Variants in SLC38A1 observed in about 807,000 individuals in gnomAD.
The protein encoded by SLC38A1 is solute carrier family 38 member 1, also known as sodium-coupled neutral amino acid symporter 1.
A neutral mutation model predicts 60.3 loss-of-function variants in SLC38A1; 18 were observed. The ratio of observed to expected loss-of-function variants is 0.30; its 90% CI spans 0.21 to 0.44. The LOEUF (loss-of-function observed/expected upper bound fraction) is 0.44. SLC38A1 is among the 20% of genes least tolerant of loss of function. The probability of loss-of-function intolerance (pLI) is 1.00; values close to 1 mark genes in which losing one functional copy is unlikely to be tolerated. For synonymous variants in SLC38A1, 196 were observed against 212.1 expected, an observed-to-expected ratio of 0.92 and a Z score of 0.66; for missense variants, 448 against 587.2, an observed-to-expected ratio of 0.76 and a Z score of 2.45.
intron 14 of SLC38A1, 75 bp from the exon 15 acceptor site, chr12:46,198,135 G>C: frequency 6.9e-7 from 1 of 1,456,672 alleles, no homozygotes. Flanking sequence ...CAGAGTAACT[G>C]ATTTATTGGT....
At chr12:46,249,770 C>T (rs1003190305) in intron 1 of SLC38A1, among the ~76,000 whole-genome samples, 14 of 152,172 alleles carry the variant, frequency 9.2e-5, no homozygotes, top group Admixed American at 2.6e-4. Context: ...CACATACACC[C>T]TCTCAACACT....
Position 46,204,481 on chromosome 12 carries a change from A to G in SLC38A1, c.705+51T>C, listed in dbSNP as rs145014345. ...AGTAAAGCCAATGAATAATTATTAC[A>G]TGCCATTGTACTATCACAAAACCAA... On this transcript the variant is annotated intron_variant, in intron 10 of 16. Coordinates refer to ENST00000398637, the MANE Select transcript of SLC38A1 (RefSeq NM_030674.4). 132 of 1,593,798 alleles carry G rather than the reference A, an allele frequency of 8.3e-5. No individual in the cohort carries two copies. In the East Asian group the frequency reaches 2.7e-3, roughly 32 times the overall value.
rs201676832 is a variant in SLC38A1 at position 46,205,971 on chromosome 12, TC to T, written c.646+108del. Reference sequence around the variant, plus strand: ...TACTTGCAATTTATCATGTACTTAATCTTTGAGTGCATGCAGAGGGGAAGCA... The same window carrying T: ...TACTTGCAATTTATCATGTACTTAATTTTGAGTGCATGCAGAGGGGAAGCA... On this transcript the variant is annotated intron_variant, in intron 9 of 16. Coordinates refer to ENST00000398637, the MANE Select transcript of SLC38A1 (RefSeq NM_030674.4). 3.4e-3 allele frequency: 2,071 copies of T among 617,680 alleles called. 41 individuals carry two copies. In the African/African-American group the frequency reaches 0.035, roughly 10 times the overall value. The allele number at this position is 617,680 out of a possible 1,614,324, so 38.3% of individuals were successfully genotyped here. A position where few individuals can be genotyped will look rare whatever the true frequency, so the allele number is the denominator to read the frequency against.
intron 11 of SLC38A1, among the ~76,000 whole-genome samples, chr12:46,203,452 TCTC>T (rs1328986311): frequency 2.0e-5 from 3 of 152,174 alleles, no homozygotes; most frequent in Non-Finnish European, 4.4e-5. Context: ...CTGTGGCTGT[TCTC>T]CTGGCTCCCT....
Position 46,197,204 on chromosome 12 carries a change from A to AGAG in SLC38A1, c.1362+513_1362+515dup, listed in dbSNP as rs1384848277. Among the ~76,000 whole-genome samples, 3 of 152,284 alleles carry AGAG rather than the reference A, an allele frequency of 2.0e-5. No individual in the cohort carries two copies. In the East Asian group the frequency reaches 5.8e-4, roughly 29 times the overall value. Reference sequence around the variant, plus strand: ...GCTGAGGCACAATAACAGTAAAACCAGAGGGCCGGGCGCGATGGCTCATGC... The same window carrying AGAG: ...GCTGAGGCACAATAACAGTAAAACCAGAGGAGGGCCGGGCGCGATGGCTCATGC... On this transcript the variant is annotated intron_variant, in intron 16 of 16. Coordinates refer to ENST00000398637, the MANE Select transcript of SLC38A1 (RefSeq NM_030674.4).
intron 16 of SLC38A1, among the ~76,000 whole-genome samples, chr12:46,194,696 T>C (rs1373546853): frequency 1.3e-5 from 2 of 152,218 alleles, no homozygotes; most frequent in African/African-American, 2.4e-5. Context: ...ATCACTGATA[T>C]CCTTTCTTCC....
intron 5 of SLC38A1, among the ~76,000 whole-genome samples, chr12:46,215,938 CT>C (rs569536867): frequency 4.4e-4 from 67 of 152,284 alleles, no homozygotes; most frequent in African/African-American, 1.3e-3. Context: ...CACTCCAAAA[CT>C]TACAGACATA....
At chr12:46,220,968 A>C (rs956560201) in intron 5 of SLC38A1, among the ~76,000 whole-genome samples, 2 of 152,132 alleles carry the variant, frequency 1.3e-5, no homozygotes, top group African/African-American at 4.8e-5. Context: ...TTTTACTTCT[A>C]TTTCTATTTA....
chr12:46,242,636 A>G (rs1941483619), intron 2 of SLC38A1, among the ~76,000 whole-genome samples: 3 of 152,088 alleles, frequency 2.0e-5, no homozygotes. Flanking sequence ...AACAACAACA[A>G]AAAATCAAAA....
At chr12:46,210,629 A>G (rs1206037126) in intron 5 of SLC38A1, among the ~76,000 whole-genome samples, 1 of 152,022 alleles carries the variant, frequency 6.6e-6, no homozygotes, top group Non-Finnish European at 1.5e-5. Flanking sequence ...GGTGGGAGAT[A>G]ATTGAATCAT....
At chr12:46,226,737 T>A (rs1292073234) in intron 5 of SLC38A1, among the ~76,000 whole-genome samples, 2 of 150,518 alleles carry the variant, frequency 1.3e-5, no homozygotes, top group African/African-American at 4.9e-5. Context: ...TGCCTCAGCC[T>A]CCTGAGTAGC....
At position 46,183,131 on chromosome 12, in the gene SLC38A1, T is replaced by C. The variant is rs991860009; in HGVS notation, c.*5839A>G. 1 of 152,506 alleles carries C rather than the reference T, an allele frequency of 6.6e-6. No individual in the cohort carries two copies. The highest frequency in any genetic ancestry group is 6.6e-5 in the Admixed American group (1 of 15,266). 9.4% of individuals were successfully genotyped at this position (152,506 alleles called of 1,614,324 possible). On this transcript the variant is annotated 3_prime_UTR_variant, in exon 17 of 17. Transcript: ENST00000398637. The stretch of plus-strand genomic sequence containing the variant: ...AGAGCAGTTATAGAACAGAACTTCT[T>C]ATATTTCTTTATTTACACCACACTC...
chr12:46,238,723 G>C (rs963810265), intron 3 of SLC38A1, among the ~76,000 whole-genome samples: 1 of 152,186 alleles, frequency 6.6e-6, no homozygotes, highest in Non-Finnish European at 1.5e-5. Flanking sequence ...CCAAGGGTTG[G>C]AAGGACTTGC....
chr12:46,195,085 G>C (rs1428465932), intron 16 of SLC38A1, among the ~76,000 whole-genome samples: 1 of 152,100 alleles, frequency 6.6e-6, no homozygotes, highest in African/African-American at 2.4e-5. Flanking sequence ...ATCTACCTTT[G>C]GTCTTTGATG....
chr12:46,188,059 CT>C lies in SLC38A1; in HGVS notation c.*910del. Reference sequence around the variant, plus strand: ...ATAATGTACTAAAACATTTTTCTCCCTTCAGCAAGACAGGTAGGGTTGAAGG... The same window carrying C: ...ATAATGTACTAAAACATTTTTCTCCCTCAGCAAGACAGGTAGGGTTGAAGG... On this transcript the variant is annotated 3_prime_UTR_variant, in exon 17 of 17. Coordinates refer to ENST00000398637, the MANE Select transcript of SLC38A1 (RefSeq NM_030674.4). 6.6e-6 allele frequency: 1 copy of C among 152,218 alleles called. No individual in the cohort carries two copies. Among genetic ancestry groups the C allele is most frequent in the African/African-American group, 2.4e-5 (1 of 41,544 alleles). The allele number at this position is 152,218 out of a possible 1,614,324, so 9.4% of individuals were successfully genotyped here.
At chr12:46,214,501 C>T (rs1423468543) in intron 5 of SLC38A1, among the ~76,000 whole-genome samples, 4 of 152,080 alleles carry the variant, frequency 2.6e-5, no homozygotes, top group African/African-American at 7.2e-5. Flanking sequence ...TTTAAAAGTA[C>T]CATATGCTAA....
chr12:46,242,759 G>A (rs1380570940), intron 2 of SLC38A1, among the ~76,000 whole-genome samples: 1 of 152,130 alleles, frequency 6.6e-6, no homozygotes, highest in Admixed American at 6.5e-5. Flanking sequence ...ATGTGATCAT[G>A]CCACTGTGCT....
chr12:46,207,196 G>A lies in SLC38A1; in HGVS notation c.522C>T (p.Pro174=), dbSNP rs886610866. ...TTCCCATTAGAAACTTTATGGCAGA[G>A]GGTAGTTCATTTTTTACGATGAAGA... is the stretch of plus-strand genomic sequence containing the variant. ...SYLFIVKNEL[P]SAIKFLMGKE... The change falls in exon 8 of 17, where the codon CCC becomes CCT. Residue 174 remains proline, a synonymous_variant. Transcript: ENST00000398637. 3.7e-6 allele frequency: 6 copies of A among 1,613,206 alleles called. No homozygotes were observed. In the African/African-American group the frequency reaches 6.7e-5, roughly 18 times the overall value.
intron 11 of SLC38A1, 21 bp from the exon 12 acceptor site, chr12:46,203,110 G>A (rs1173621258): frequency 1.3e-6 from 2 of 1,599,400 alleles, no homozygotes; most frequent in Non-Finnish European, 8.6e-7. Flanking sequence ...GAAAAGAATA[G>A]ACATTAGGAA....
Sources: gnomAD v4.1 joint callset for allele counts (sites outside exome capture counted in the v4.1 genomes callset) on GRCh38, gnomAD v4.1.1 for gene constraint, MANE v1.5 for transcripts, NCBI Gene and HGNC (gene_info 2026-07-23, HGNC 2026-07-21) for gene names.